The following CORO2B variants were observed in gnomAD, a reference collection of about 807,000 sequenced individuals.
CORO2B encodes coronin-2B.
Under a neutral mutation model 58.8 loss-of-function variants are expected in CORO2B, and 26 were observed. The ratio of observed to expected loss-of-function variants is 0.44; its 90% confidence interval spans 0.32 to 0.61. CORO2B has a LOEUF of 0.61. Among genes scored for constraint, CORO2B ranks in the 20% least tolerant of loss-of-function variants. The pLI is 0.04. For synonymous variants in CORO2B, 242 were observed against 253.8 expected (o/e 0.95, Z 0.44); for missense variants, 460 against 645.1 (o/e 0.71, Z 3.11).
At chr15:68,534,766 A>G in the CORO2B span, among the ~76,000 whole-genome samples, 1 of 152,318 alleles carries the variant, frequency 6.6e-6, no homozygotes, top group Non-Finnish European at 1.5e-5. Flanking sequence ...GACATACCCA[A>G]GACTGGGTAA....
At chr15:68,597,166 C>T (rs991948892) in intron 1 of CORO2B, among the ~76,000 whole-genome samples, 9 of 151,902 alleles carry the variant, frequency 5.9e-5, no homozygotes, top group Admixed American at 3.9e-4. Flanking sequence ...ACAGCCTTCT[C>T]GGGTCAAGGA....
At chr15:68,659,542 C>T (rs1901942626) in intron 2 of CORO2B, among the ~76,000 whole-genome samples, 2 of 152,006 alleles carry the variant, frequency 1.3e-5, no homozygotes, top group African/African-American at 4.8e-5. Flanking sequence ...GTAAGAGCCC[C>T]TCTCTAAAAA....
chr15:68,680,196 C>A (rs972842489), intron 2 of CORO2B, among the ~76,000 whole-genome samples: 1 of 152,116 alleles, frequency 6.6e-6, no homozygotes, highest in African/African-American at 2.4e-5. Flanking sequence ...AGTATCTTTG[C>A]AGCTGGCAGC....
At chr15:68,719,769 G>A (rs950966409) in intron 11 of CORO2B, among the ~76,000 whole-genome samples, 5 of 152,112 alleles carry the variant, frequency 3.3e-5, no homozygotes, top group African/African-American at 1.2e-4. Context: ...CCACCCCCAC[G>A]CCTCAAATTC....
chr15:68,579,288 C>T lies in CORO2B; in HGVS notation c.15+11C>T. The stretch of plus-strand genomic sequence containing the variant: ...ATGACTGTCACAAAGGTAAGCGCCG[C>T]TCGCCCGCCGCGCCCGGGACCCGCC... On this transcript the variant is annotated intron_variant, in intron 1 of 11. Coordinates refer to ENST00000261861, the MANE Select transcript of CORO2B (RefSeq NM_006091.5). 7.8e-7 allele frequency: 1 copy of T among 1,288,092 alleles called. No homozygotes were observed. 79.8% of individuals were successfully genotyped at this position (1,288,092 alleles called of 1,614,324 possible).
At chr15:68,626,676 GCT>G in intron 1 of CORO2B, among the ~76,000 whole-genome samples, 1 of 152,350 alleles carries the variant, frequency 6.6e-6, no homozygotes, top group East Asian at 1.9e-4. Flanking sequence ...ACTGTGGGGA[GCT>G]CAAGAATACA....
intron 1 of CORO2B, among the ~76,000 whole-genome samples, chr15:68,609,215 T>TGTG (rs765229247): frequency 6.6e-6 from 1 of 152,034 alleles, no homozygotes; most frequent in African/African-American, 2.4e-5. Flanking sequence ...CATGGGGCAT[T>TGTG]GTGGTGGTGG....
chr15:68,688,014 C>A (rs1276130807), intron 2 of CORO2B, among the ~76,000 whole-genome samples: 1 of 152,208 alleles, frequency 6.6e-6, no homozygotes, highest in South Asian at 2.1e-4. Context: ...ACCCTCCAGA[C>A]CATCCATTGG....
intron 2 of CORO2B, among the ~76,000 whole-genome samples, chr15:68,672,159 G>GGTGTGTGTGTGTGTGTGTGTGTGTGT (rs60989044): frequency 4.9e-4 from 71 of 146,280 alleles, no homozygotes; most frequent in African/African-American, 9.6e-4. Flanking sequence ...GTAATCGGGA[G>GGTGTGTGTGTGTGTGTGTGTGTGTGT]GTGTGTGTGT....
intron 1 of CORO2B, among the ~76,000 whole-genome samples, chr15:68,604,732 C>T (rs1364101086): frequency 1.3e-5 from 2 of 152,060 alleles, no homozygotes; most frequent in Admixed American, 1.3e-4. Context: ...ATTATGGGTG[C>T]GTTTGTTTAC....
chr15:68,562,637 A>C, the CORO2B span, among the ~76,000 whole-genome samples: 1 of 152,234 alleles, frequency 6.6e-6, no homozygotes, highest in Non-Finnish European at 1.5e-5. Context: ...ACTGGATCAC[A>C]GAAAAATCAC....
intron 2 of CORO2B, among the ~76,000 whole-genome samples, chr15:68,694,238 A>G (rs1596019830): frequency 6.6e-6 from 1 of 152,222 alleles, no homozygotes; most frequent in Non-Finnish European, 1.5e-5. Flanking sequence ...AGGAGGTGTC[A>G]TCTAAGCTGT....
intron 2 of CORO2B, among the ~76,000 whole-genome samples, chr15:68,664,253 G>C (rs1211216109): frequency 6.6e-6 from 1 of 152,154 alleles, no homozygotes; most frequent in East Asian, 1.9e-4. Context: ...AAAGGTGTGT[G>C]CTTCTGAAAT....
At chr15:68,652,072 G>A (rs529426465) in intron 2 of CORO2B, among the ~76,000 whole-genome samples, 1 of 152,194 alleles carries the variant, frequency 6.6e-6, no homozygotes, top group South Asian at 2.1e-4. Flanking sequence ...CGGCACAGCC[G>A]GGCATACAGT....
chr15:68,668,236 A>G (rs771848323), intron 2 of CORO2B, among the ~76,000 whole-genome samples: 1 of 152,154 alleles, frequency 6.6e-6, no homozygotes, highest in Non-Finnish European at 1.5e-5. Context: ...TCTGCCCCAC[A>G]ACGTGTTCAC....
At chr15:68,530,937 T>C in the CORO2B span, among the ~76,000 whole-genome samples, 2 of 152,232 alleles carry the variant, frequency 1.3e-5, no homozygotes, top group African/African-American at 4.8e-5. Context: ...TAATTTTTGG[T>C]ATAAATCTGC....
At chr15:68,547,730 A>C in the CORO2B span, among the ~76,000 whole-genome samples, 2 of 152,334 alleles carry the variant, frequency 1.3e-5, no homozygotes, top group South Asian at 2.1e-4. Context: ...GACAATTAGC[A>C]TGACAAATTT....
intron 4 of CORO2B, 125 bp from the exon 5 acceptor site, chr15:68,711,417 C>T: frequency 1.4e-6 from 1 of 716,200 alleles, no homozygotes; most frequent in Non-Finnish European, 2.3e-6. Flanking sequence ...CCCCCTCCTG[C>T]ACCCCAGCAC....
At chr15:68,534,553 A>C in the CORO2B span, among the ~76,000 whole-genome samples, 1 of 152,362 alleles carries the variant, frequency 6.6e-6, no homozygotes, top group African/African-American at 2.4e-5. Flanking sequence ...CCTGTCAGCC[A>C]GTCCAGGAAT....
Sources: allele counts gnomAD v4.1 joint callset (sites outside exome capture counted in the v4.1 genomes callset), GRCh38; gene constraint gnomAD v4.1.1; transcripts MANE v1.5; gene names NCBI Gene and HGNC (gene_info 2026-07-23, HGNC 2026-07-21).